The following CLSTN2 variants were observed in gnomAD, a reference collection of about 807,000 sequenced individuals.
The protein encoded by CLSTN2 is calsyntenin 2.
In CLSTN2, 48 loss-of-function variants were observed where a neutral mutation model predicts 101.2. The observed-to-expected ratio is 0.47, with a 90% CI of 0.38 to 0.60. CLSTN2 has a LOEUF of 0.60. CLSTN2 is among the 20% of genes least tolerant of loss of function. The probability of loss-of-function intolerance (pLI) is 0.00; values close to 1 mark genes in which losing one functional copy is unlikely to be tolerated. For synonymous variants in CLSTN2, 481 were observed against 463.6 expected, an observed-to-expected ratio of 1.04 and a Z score of -0.48; for missense variants, 1,160 against 1,238.2, an observed-to-expected ratio of 0.94 and a Z score of 0.95.
chr3:139,952,108 A>G (rs544106849), intron 1 of CLSTN2, among the ~76,000 whole-genome samples: 33 of 152,306 alleles, frequency 2.2e-4, no homozygotes, highest in Non-Finnish European at 3.2e-4. Flanking sequence ...GCCCCTTAAT[A>G]AGTAGTTCAG....
intron 1 of CLSTN2, among the ~76,000 whole-genome samples, chr3:140,018,654 G>T (rs965844212): frequency 6.6e-6 from 1 of 152,192 alleles, no homozygotes; most frequent in African/African-American, 2.4e-5. Context: ...GCTTACTGCA[G>T]TGTGACCTCC....
At chr3:140,188,123 C>G (rs1355392913) in intron 2 of CLSTN2, among the ~76,000 whole-genome samples, 3 of 152,192 alleles carry the variant, frequency 2.0e-5, no homozygotes, top group Non-Finnish European at 2.9e-5. Context: ...GTTTCTAGCA[C>G]TGAGCACTGA....
chr3:140,152,547 T>C (rs1230511882), intron 1 of CLSTN2, among the ~76,000 whole-genome samples: 1 of 152,228 alleles, frequency 6.6e-6, no homozygotes, highest in Non-Finnish European at 1.5e-5. Flanking sequence ...ATACCTGGCA[T>C]AGTCCCACCA....
intron 1 of CLSTN2, among the ~76,000 whole-genome samples, chr3:139,975,354 T>C (rs1935798452): frequency 1.3e-5 from 2 of 152,024 alleles, no homozygotes; most frequent in Admixed American, 1.3e-4. Flanking sequence ...CTGGGCTTGA[T>C]TGTGTACTCC....
At chr3:140,514,794 C>G (rs1234965089) in intron 8 of CLSTN2, among the ~76,000 whole-genome samples, 1 of 152,072 alleles carries the variant, frequency 6.6e-6, no homozygotes, top group South Asian at 2.1e-4. Context: ...ACCATGCCAA[C>G]ATCTATTTAT....
intron 1 of CLSTN2, among the ~76,000 whole-genome samples, chr3:139,984,758 A>C (rs576135863): frequency 1.7e-3 from 266 of 152,308 alleles, no homozygotes; most frequent in African/African-American, 6.0e-3. Flanking sequence ...AATATCATCT[A>C]TAAGATGAAA....
intron 2 of CLSTN2, among the ~76,000 whole-genome samples, chr3:140,345,879 A>C (rs1392878843): frequency 2.0e-5 from 3 of 152,168 alleles, no homozygotes; most frequent in African/African-American, 7.2e-5. Flanking sequence ...AAGGAATCCA[A>C]AGCCTTTCGC....
chr3:140,064,870 T>TCAAAAG lies in CLSTN2; in HGVS notation c.110-111078_110-111073dup, dbSNP rs570813434. 1.8e-3 allele frequency among the ~76,000 whole-genome samples: 267 copies of TCAAAAG among 152,136 alleles called. 1 individual carries two copies. Among genetic ancestry groups the TCAAAAG allele is most frequent in the African/African-American group, 6.1e-3 (252 of 41,516 alleles). ...AAGATTAAAGATGACAAAGGGAATA[T>TCAAAAG]CAAAAGCACAAAGATTAAAGATGAC... On this transcript the variant is annotated intron_variant, in intron 1 of 16. Transcript: ENST00000458420.
intron 1 of CLSTN2, among the ~76,000 whole-genome samples, chr3:139,985,995 C>T (rs765103954): frequency 6.6e-6 from 1 of 152,146 alleles, no homozygotes; most frequent in African/African-American, 2.4e-5. Flanking sequence ...AGACTCAAGC[C>T]TTGTTGTCCA....
chr3:140,456,333 C>T (rs1576577704), intron 6 of CLSTN2, among the ~76,000 whole-genome samples: 1 of 152,150 alleles, frequency 6.6e-6, no homozygotes. Context: ...CCATCCTGGG[C>T]TCACTCTGCC....
chr3:140,313,164 C>A (rs116176891), intron 2 of CLSTN2, among the ~76,000 whole-genome samples: 4 of 152,158 alleles, frequency 2.6e-5, no homozygotes, highest in Admixed American at 1.3e-4. Context: ...AAGTCCCCCC[C>A]AAAAAAACCA....
At chr3:140,057,327 A>G (rs1245063818) in intron 1 of CLSTN2, among the ~76,000 whole-genome samples, 3 of 152,206 alleles carry the variant, frequency 2.0e-5, no homozygotes, top group Non-Finnish European at 2.9e-5. Context: ...CATGCAGAAG[A>G]CACTTTTGGG....
intron 1 of CLSTN2, among the ~76,000 whole-genome samples, chr3:140,082,479 G>A (rs981275671): frequency 6.6e-6 from 1 of 152,076 alleles, no homozygotes; most frequent in Admixed American, 6.5e-5. Context: ...TATCTCCATC[G>A]TGCCTCATTT....
At position 140,448,638 on chromosome 3, in the gene CLSTN2, A is replaced by G. The variant is rs757095169; in HGVS notation, c.907A>G (p.Thr303Ala). The G allele has an allele frequency of 2.5e-6, 4 of 1,614,170 alleles. No individual in the cohort carries two copies. Among genetic ancestry groups the G allele is most frequent in the Non-Finnish European group, 8.5e-7 (1 of 1,179,998 alleles). The change falls in exon 6 of 17, where the codon ACT (threonine) becomes GCT (alanine). Residue 303 changes from threonine to alanine, a missense_variant. Coordinates refer to ENST00000458420, the MANE Select transcript of CLSTN2 (RefSeq NM_022131.3). Reference sequence around the variant, plus strand: ...CCTCCAGATCGTCACAGAGCTGCAGACTAATTACATTGGGAAGGGTTGTGA... The same window carrying G: ...CCTCCAGATCGTCACAGAGCTGCAGGCTAATTACATTGGGAAGGGTTGTGA... ...SSLQIVTELQ[T>A]NYIGKGCDRE... is the part of the protein sequence containing the mutation.
intron 1 of CLSTN2, among the ~76,000 whole-genome samples, chr3:140,073,299 A>G (rs1294234504): frequency 6.6e-6 from 1 of 152,182 alleles, no homozygotes. Flanking sequence ...CTCCAAAAAC[A>G]CAGCCACATT....
intron 4 of CLSTN2, among the ~76,000 whole-genome samples, chr3:140,413,713 T>A (rs2107985304): frequency 6.6e-6 from 1 of 152,306 alleles, no homozygotes; most frequent in Non-Finnish European, 1.5e-5. Context: ...CATGATTAAG[T>A]GGGACTTAGC....
intron 5 of CLSTN2, among the ~76,000 whole-genome samples, chr3:140,440,904 G>T (rs149438854): frequency 2.7e-4 from 41 of 152,298 alleles, no homozygotes; most frequent in African/African-American, 9.6e-4. Flanking sequence ...GAAACAAGGG[G>T]CTCGTTGTTT....
intron 2 of CLSTN2, among the ~76,000 whole-genome samples, chr3:140,317,051 G>A (rs1182228957): frequency 1.3e-5 from 2 of 152,164 alleles, no homozygotes; most frequent in South Asian, 4.1e-4. Flanking sequence ...TCATAATAAA[G>A]TGAATCATCA....
At chr3:140,145,575 C>T (rs975612257) in intron 1 of CLSTN2, among the ~76,000 whole-genome samples, 3 of 152,244 alleles carry the variant, frequency 2.0e-5, no homozygotes. Context: ...TCGGCAGACA[C>T]TGGTGTGTGG....
Sources: allele counts gnomAD v4.1 joint callset (sites outside exome capture counted in the v4.1 genomes callset), GRCh38; gene constraint gnomAD v4.1.1; transcripts MANE v1.5; gene names NCBI Gene and HGNC (gene_info 2026-07-23, HGNC 2026-07-21).